OLFM2: variants seen among roughly 807,000 people sequenced by gnomAD.
The protein encoded by OLFM2 is noelin-2.
Under a neutral mutation model 43.9 loss-of-function variants are expected in OLFM2, and 20 were observed. The ratio of observed to expected loss-of-function variants is 0.46; its 90% CI spans 0.32 to 0.66. The LOEUF (loss-of-function observed/expected upper bound fraction) is 0.66. Among genes scored for constraint, OLFM2 ranks in the 30% least tolerant of loss-of-function variants. The probability of loss-of-function intolerance (pLI) is 0.04; values close to 1 mark genes in which losing one functional copy is unlikely to be tolerated. For missense variants in OLFM2, 416 were observed against 643.6 expected, an observed-to-expected ratio of 0.65 and a Z score of 3.83; for synonymous variants, 268 against 278.6, an observed-to-expected ratio of 0.96 and a Z score of 0.38.
intron 5 of OLFM2, among the ~76,000 whole-genome samples, chr19:9,855,088 G>T (rs983320296): frequency 4.6e-5 from 7 of 152,090 alleles, no homozygotes; most frequent in African/African-American, 1.7e-4. Context: ...TCACTCAATG[G>T]CTGTCCAGTG....
At chr19:9,918,096 T>C (rs1341769420) in intron 1 of OLFM2, among the ~76,000 whole-genome samples, 3 of 151,912 alleles carry the variant, frequency 2.0e-5, no homozygotes, top group African/African-American at 7.3e-5. Flanking sequence ...CCAGGCTGGT[T>C]TTGAACTCCT....
intron 1 of OLFM2, among the ~76,000 whole-genome samples, chr19:9,898,003 A>G (rs1418614471): frequency 6.6e-6 from 1 of 151,670 alleles, no homozygotes; most frequent in Non-Finnish European, 1.5e-5. Context: ...CCTGGGCTCA[A>G]GCAATCCTCC....
chr19:9,914,689 G>C (rs1013080044), intron 1 of OLFM2, among the ~76,000 whole-genome samples: 4 of 150,440 alleles, frequency 2.7e-5, no homozygotes, highest in African/African-American at 5.0e-5. Context: ...CCGCTCCCTC[G>C]GGGGAGCGGG....
chr19:9,865,794 C>T (rs926825770), intron 1 of OLFM2, among the ~76,000 whole-genome samples: 2 of 149,664 alleles, frequency 1.3e-5, no homozygotes, highest in African/African-American at 4.9e-5. Context: ...GCCCGGCCCT[C>T]CCTTCTTGAT....
intron 1 of OLFM2, among the ~76,000 whole-genome samples, chr19:9,908,925 C>G (rs1274846610): frequency 6.6e-6 from 1 of 151,950 alleles, no homozygotes; most frequent in Non-Finnish European, 1.5e-5. Context: ...AGGCTGGTCT[C>G]GAACTCCTGG....
In OLFM2 at chr19:9,909,513, C is replaced by G. The variant is rs377150330; in HGVS notation, c.63+26791G>C. On this transcript the variant is annotated intron_variant, in intron 1 of 5. Coordinates refer to ENST00000264833, the MANE Select transcript of OLFM2 (RefSeq NM_058164.4). Reference sequence around the variant, plus strand: ...GGTCTATAACCACAGGAATGCTAAGCTGCTTCTGCAATTCAGGAGGAGGAA... The same window carrying G: ...GGTCTATAACCACAGGAATGCTAAGGTGCTTCTGCAATTCAGGAGGAGGAA... 5.9e-5 allele frequency among the ~76,000 whole-genome samples: 9 copies of G among 152,176 alleles called. No homozygotes were observed. The East Asian group carries it at 7.7e-4, about 13-fold the overall frequency.
chr19:9,921,490 A>AT (rs2086419499), intron 1 of OLFM2, among the ~76,000 whole-genome samples: 4 of 144,678 alleles, frequency 2.8e-5, no homozygotes, highest in African/African-American at 1.1e-4. Context: ...AACTACATTA[A>AT]ATTTTTTTTT....
chr19:9,913,513 G>A, intron 1 of OLFM2: 6 of 1,164,574 alleles, frequency 5.2e-6, no homozygotes, highest in Middle Eastern at 3.7e-4. Flanking sequence ...CACGGGACAC[G>A]GTGCCGTTGA....
At chr19:9,870,374 T>C (rs1209430914) in intron 1 of OLFM2, among the ~76,000 whole-genome samples, 2 of 152,102 alleles carry the variant, frequency 1.3e-5, no homozygotes, top group South Asian at 2.1e-4. Context: ...GCAAAGAAAG[T>C]CCAACGAGGG....
At chr19:9,914,308 G>A (rs1474090537) in intron 1 of OLFM2, among the ~76,000 whole-genome samples, 2 of 152,132 alleles carry the variant, frequency 1.3e-5, no homozygotes, top group Non-Finnish European at 2.9e-5. Context: ...GCGTGGGGGG[G>A]CGACACGCTC....
chr19:9,884,518 A>G (rs536019787), intron 1 of OLFM2, among the ~76,000 whole-genome samples: 103 of 152,244 alleles, frequency 6.8e-4, no homozygotes, highest in Middle Eastern at 3.4e-3. Flanking sequence ...TGGAGGTTGC[A>G]CTGAGCCGAG....
At chr19:9,891,314 G>GAAAA (rs56109769) in intron 1 of OLFM2, among the ~76,000 whole-genome samples, 1 of 125,690 alleles carries the variant, frequency 8.0e-6, no homozygotes. Flanking sequence ...CTCCATCTCG[G>GAAAA]AAAAAAAAAA....
intron 1 of OLFM2, among the ~76,000 whole-genome samples, chr19:9,933,065 T>C (rs2086493326): frequency 1.3e-5 from 2 of 152,078 alleles, no homozygotes; most frequent in South Asian, 2.1e-4. Context: ...CTCACCAAGC[T>C]TGTTCTTACC....
At chr19:9,925,011 C>G (rs1331157683) in intron 1 of OLFM2, among the ~76,000 whole-genome samples, 1 of 151,940 alleles carries the variant, frequency 6.6e-6, no homozygotes, top group East Asian at 1.9e-4. Flanking sequence ...GCCTGTAATC[C>G]CAGCACTTTG....
At chr19:9,873,091 C>T (rs2046456658) in intron 1 of OLFM2, among the ~76,000 whole-genome samples, 1 of 152,184 alleles carries the variant, frequency 6.6e-6, no homozygotes, top group African/African-American at 2.4e-5. Flanking sequence ...TACCCAAATT[C>T]ACAGAGCTGG....
chr19:9,872,859 CATCT>C lies in OLFM2; in HGVS notation c.64-12069_64-12066del, dbSNP rs200433595. Among the ~76,000 whole-genome samples, 72 of 152,214 alleles carry C rather than the reference CATCT, an allele frequency of 4.7e-4. No individual in the cohort carries two copies. The Middle Eastern group carries it at 0.01, about 22-fold the overall frequency. ...AACCATCCATTTATATACATCCATC[CATCT>C]ATCCATCCATCCATTCATTCATCTG... On this transcript the variant is annotated intron_variant, in intron 1 of 5. Coordinates refer to ENST00000264833, the MANE Select transcript of OLFM2 (RefSeq NM_058164.4).
At chr19:9,918,887 T>A (rs912393859) in intron 1 of OLFM2, among the ~76,000 whole-genome samples, 1 of 152,024 alleles carries the variant, frequency 6.6e-6, no homozygotes, top group Non-Finnish European at 1.5e-5. Flanking sequence ...GGAATGCAAA[T>A]GGGCACGGGG....
chr19:9,903,902 GT>G (rs1286366238), intron 1 of OLFM2, among the ~76,000 whole-genome samples: 1 of 152,054 alleles, frequency 6.6e-6, no homozygotes, highest in African/African-American at 2.4e-5. Context: ...ACATCTACTT[GT>G]TATTCTACTG....
intron 1 of OLFM2, among the ~76,000 whole-genome samples, chr19:9,861,977 G>A (rs1404756618): frequency 6.7e-6 from 1 of 149,336 alleles, no homozygotes; most frequent in Admixed American, 6.7e-5. Flanking sequence ...CTGAGACTGC[G>A]CCACTGCGCT....
Sources: gnomAD v4.1 joint callset for allele counts (sites outside exome capture counted in the v4.1 genomes callset) on GRCh38, gnomAD v4.1.1 for gene constraint, MANE v1.5 for transcripts, NCBI Gene and HGNC (gene_info 2026-07-23, HGNC 2026-07-21) for gene names.